Variants in CHRM3 observed in about 807,000 individuals in gnomAD.
The protein encoded by CHRM3 is cholinergic receptor muscarinic 3.
Under a neutral mutation model 41.8 loss-of-function variants are expected in CHRM3, and 11 were observed. The ratio of observed to expected loss-of-function variants is 0.26; its 90% CI spans 0.17 to 0.44. The LOEUF (loss-of-function observed/expected upper bound fraction) is 0.44. Among genes scored for constraint, CHRM3 ranks in the 20% least tolerant of loss-of-function variants. The pLI is 1.00. For missense variants in CHRM3, 571 were observed against 745.4 expected, an observed-to-expected ratio of 0.77 and a Z score of 2.72; for synonymous variants, 297 against 301.4, an observed-to-expected ratio of 0.99 and a Z score of 0.15.
At chr1:239,674,941 C>T (rs901174420) in intron 4 of CHRM3, among the ~76,000 whole-genome samples, 8 of 152,230 alleles carry the variant, frequency 5.3e-5, no homozygotes, top group African/African-American at 1.9e-4. Flanking sequence ...ATTACTCCTC[C>T]TCGCTGTCTC....
intron 3 of CHRM3, among the ~76,000 whole-genome samples, chr1:239,630,228 T>C (rs1669661092): frequency 6.6e-6 from 1 of 152,240 alleles, no homozygotes; most frequent in Admixed American, 6.5e-5. Context: ...TTAATGGTGC[T>C]ACTTAATTTT....
intron 5 of CHRM3, among the ~76,000 whole-genome samples, chr1:239,730,107 G>A (rs868435059): frequency 2.0e-5 from 3 of 152,008 alleles, no homozygotes; most frequent in Middle Eastern, 3.4e-3. Context: ...AAATGTTTAA[G>A]TTAGAAAATA....
chr1:239,556,061 G>A (rs1660322784), intron 3 of CHRM3, among the ~76,000 whole-genome samples: 1 of 152,182 alleles, frequency 6.6e-6, no homozygotes, highest in Admixed American at 6.5e-5. Context: ...TTACTACGTT[G>A]CAATGATAGA....
chr1:239,889,112 C>G (rs1379965154), intron 6 of CHRM3, among the ~76,000 whole-genome samples: 1 of 152,092 alleles, frequency 6.6e-6, no homozygotes, highest in Non-Finnish European at 1.5e-5. Context: ...CAGAATAGCT[C>G]TCTGCTGGAG....
chr1:239,879,514 T>C (rs1211442944), intron 6 of CHRM3, among the ~76,000 whole-genome samples: 1 of 152,228 alleles, frequency 6.6e-6, no homozygotes, highest in Non-Finnish European at 1.5e-5. Flanking sequence ...GTCAGGTGTC[T>C]TTCTTTCAAT....
intron 3 of CHRM3, among the ~76,000 whole-genome samples, chr1:239,592,047 C>T (rs1664217519): frequency 6.6e-6 from 1 of 152,126 alleles, no homozygotes; most frequent in Non-Finnish European, 1.5e-5. Context: ...TTCTGTGTTT[C>T]CAGAATTCCA....
intron 4 of CHRM3, among the ~76,000 whole-genome samples, chr1:239,642,635 C>T (rs891832508): frequency 2.6e-5 from 4 of 152,142 alleles, no homozygotes; most frequent in Non-Finnish European, 4.4e-5. Context: ...TTAAGCACTT[C>T]TCTGTATTGG....
intron 5 of CHRM3, among the ~76,000 whole-genome samples, chr1:239,743,123 A>G (rs1276434685): frequency 2.0e-5 from 3 of 152,244 alleles, no homozygotes; most frequent in African/African-American, 7.2e-5. Context: ...TTAGGCAATG[A>G]GGATACCTTT....
intron 5 of CHRM3, among the ~76,000 whole-genome samples, chr1:239,765,523 A>G (rs1667130085): frequency 1.3e-5 from 2 of 152,226 alleles, no homozygotes; most frequent in Non-Finnish European, 2.9e-5. Flanking sequence ...TCAACTGAAT[A>G]CACATTTTTA....
intron 2 of CHRM3, among the ~76,000 whole-genome samples, chr1:239,528,812 GA>G (rs1558292113): frequency 2.6e-5 from 4 of 152,078 alleles, no homozygotes; most frequent in Non-Finnish European, 4.4e-5. Flanking sequence ...AGAATCGCTT[GA>G]ACCTGGGAGG....
chr1:239,697,367 C>A (rs530634152), intron 5 of CHRM3, among the ~76,000 whole-genome samples: 1 of 152,312 alleles, frequency 6.6e-6, no homozygotes, highest in South Asian at 2.1e-4. Flanking sequence ...TGCCTTCCAC[C>A]ATGATTGTGA....
intron 5 of CHRM3, among the ~76,000 whole-genome samples, chr1:239,773,523 G>T (rs1667853183): frequency 6.6e-6 from 1 of 152,040 alleles, no homozygotes; most frequent in Admixed American, 6.6e-5. Flanking sequence ...CATTCTCATT[G>T]CTTTGTATAA....
chr1:239,435,570 G>A (rs982221593), intron 1 of CHRM3, among the ~76,000 whole-genome samples: 1 of 151,888 alleles, frequency 6.6e-6, no homozygotes, highest in African/African-American at 2.4e-5. Flanking sequence ...GCCTGGGCTT[G>A]CAGTTTTGCC....
intron 2 of CHRM3, among the ~76,000 whole-genome samples, chr1:239,513,387 T>A (rs990840787): frequency 1.3e-5 from 2 of 152,222 alleles, no homozygotes; most frequent in Non-Finnish European, 2.9e-5. Context: ...TGACATATGA[T>A]GTTTATGTTT....
intron 6 of CHRM3, among the ~76,000 whole-genome samples, chr1:239,870,436 C>T (rs1676476285): frequency 6.6e-6 from 1 of 152,158 alleles, no homozygotes; most frequent in Non-Finnish European, 1.5e-5. Flanking sequence ...TGAGTGTTAG[C>T]GACATGCCAG....
intron 1 of CHRM3, among the ~76,000 whole-genome samples, chr1:239,463,602 G>T (rs764943692): frequency 2.6e-5 from 4 of 151,902 alleles, no homozygotes; most frequent in Non-Finnish European, 5.9e-5. Context: ...GAAAATACAG[G>T]ACTATGTGAA....
At chr1:239,879,196 T>C (rs779294948) in intron 6 of CHRM3, among the ~76,000 whole-genome samples, 3 of 152,090 alleles carry the variant, frequency 2.0e-5, no homozygotes, top group African/African-American at 7.2e-5. Flanking sequence ...AATGGCCTGA[T>C]CATAGTTCAC....
chr1:239,637,842 C>T (rs1475720381), intron 4 of CHRM3, among the ~76,000 whole-genome samples: 2 of 150,000 alleles, frequency 1.3e-5, no homozygotes, highest in African/African-American at 4.9e-5. Flanking sequence ...ATACATGTGC[C>T]ATGCTGGTGT....
intron 5 of CHRM3, among the ~76,000 whole-genome samples, chr1:239,775,137 A>T (rs540067): frequency 0.73 from 110,561 of 151,306 alleles, 40,664 homozygotes; most frequent in Non-Finnish European, 0.75. Flanking sequence ...GATCATGGCT[A>T]AAAAAAAAAG....
Sources: gnomAD v4.1 joint callset for allele counts (sites outside exome capture counted in the v4.1 genomes callset) on GRCh38, gnomAD v4.1.1 for gene constraint, MANE v1.5 for transcripts, NCBI Gene and HGNC (gene_info 2026-07-23, HGNC 2026-07-21) for gene names.